Variants in KIF26B observed in about 807,000 individuals in gnomAD.
KIF26B encodes kinesin-like protein KIF26B.
A neutral mutation model predicts 151.2 loss-of-function variants in KIF26B; 63 were observed. The observed-to-expected ratio is 0.42, with a 90% confidence interval of 0.34 to 0.51. KIF26B has a LOEUF of 0.51. Ranked by LOEUF, KIF26B falls within the 20% of genes least tolerant of loss-of-function variation. The pLI is 0.07. For synonymous variants in KIF26B, 1,357 were observed against 1,262.1 expected, an observed-to-expected ratio of 1.08 and a Z score of -1.59; for missense variants, 2,813 against 2,913.6, an observed-to-expected ratio of 0.97 and a Z score of 0.79.
intron 10 of KIF26B, among the ~76,000 whole-genome samples, chr1:245,665,869 G>T (rs571382604): frequency 6.6e-5 from 10 of 151,914 alleles, no homozygotes; most frequent in Non-Finnish European, 1.3e-4. Flanking sequence ...ATTTTTGGTA[G>T]AGCTGGGGTT....
At position 245,667,238 on chromosome 1, in the gene KIF26B, C is replaced by T. The variant is rs1014356315; in HGVS notation, c.2259-16995C>T. On this transcript the variant is annotated intron_variant, in intron 10 of 14. Transcript: ENST00000407071. This position sits in a 1 kb window ranked among gnomAD's most constrained non-coding sequence, Gnocchi z 4.3. ...CTGCCCAGGCTGGAGTGCAGTGGCA[C>T]GATCTCGGCTCACTGCAGCCTTAAG... Among the ~76,000 whole-genome samples the T allele has an allele frequency of 1.3e-4, 20 of 152,104 alleles. No homozygotes were observed. Among genetic ancestry groups the T allele is most frequent in the Non-Finnish European group, 2.5e-4 (17 of 68,012 alleles).
intron 14 of KIF26B, among the ~76,000 whole-genome samples, chr1:245,700,650 TAAA>T (rs10551791): frequency 0.032 from 4,871 of 152,154 alleles, 164 homozygotes; most frequent in East Asian, 0.11. Flanking sequence ...AAAATAAAAA[TAAA>T]AAACAGGAGG....
intron 10 of KIF26B, among the ~76,000 whole-genome samples, chr1:245,682,388 G>A (rs1026008745): frequency 6.6e-6 from 1 of 152,184 alleles, no homozygotes; most frequent in Non-Finnish European, 1.5e-5. Context: ...CAGCTACCAT[G>A]AATAACAAGA....
At chr1:245,446,369 G>A (rs1659251182) in intron 4 of KIF26B, among the ~76,000 whole-genome samples, 1 of 152,202 alleles carries the variant, frequency 6.6e-6, no homozygotes, top group South Asian at 2.1e-4. Flanking sequence ...GGGTTTGGCT[G>A]CTTCTATACA....
In KIF26B at chr1:245,289,395, G is replaced by A. The variant is rs182376880; in HGVS notation, c.466-77439G>A. On this transcript the variant is annotated intron_variant, in intron 2 of 14. Coordinates refer to ENST00000407071, the MANE Select transcript of KIF26B (RefSeq NM_018012.4). ...TGATTTTCGACTCGGCAAGTGTATG[G>A]ACTTGAAAAAATCATCTAATAAACA... Among the ~76,000 whole-genome samples, 15 of 152,208 alleles carry A rather than the reference G, an allele frequency of 9.9e-5. No individual in the cohort carries two copies. The East Asian group carries it at 2.9e-3, about 29-fold the overall frequency.
chr1:245,383,124 C>A (rs1391223957), intron 3 of KIF26B, among the ~76,000 whole-genome samples: 1 of 151,862 alleles, frequency 6.6e-6, no homozygotes, highest in Non-Finnish European at 1.5e-5. Context: ...AGATTACTCA[C>A]AGAGCATGGC....
At chr1:245,303,390 G>A (rs1197978974) in intron 2 of KIF26B, among the ~76,000 whole-genome samples, 3 of 150,790 alleles carry the variant, frequency 2.0e-5, no homozygotes, top group Non-Finnish European at 2.9e-5. Flanking sequence ...AGTAGAGACG[G>A]GGTTTCACCG....
At chr1:245,156,801 G>C (rs1261964477) in intron 2 of KIF26B, 118 bp downstream of exon 2, 1 of 578,892 alleles carries the variant, frequency 1.7e-6, no homozygotes, top group Non-Finnish European at 2.6e-6. Flanking sequence ...AGAGCCCCCG[G>C]CGGCGCTGGG....
chr1:245,609,886 G>A (rs2043499873), intron 8 of KIF26B, among the ~76,000 whole-genome samples: 1 of 152,198 alleles, frequency 6.6e-6, no homozygotes, highest in African/African-American at 2.4e-5. Flanking sequence ...CCATTACGGG[G>A]CTGTTGATGA....
chr1:245,467,743 A>T (rs1659826551), intron 4 of KIF26B, among the ~76,000 whole-genome samples: 1 of 152,126 alleles, frequency 6.6e-6, no homozygotes, highest in African/African-American at 2.4e-5. Context: ...AAAAATACAA[A>T]AATTAGTTGG....
At chr1:245,414,253 T>C (rs1674363481) in intron 3 of KIF26B, among the ~76,000 whole-genome samples, 1 of 152,152 alleles carries the variant, frequency 6.6e-6, no homozygotes, top group African/African-American at 2.4e-5. Flanking sequence ...CTTTGAAGTG[T>C]GGGGAGTCGC....
At chr1:245,198,102 G>A (rs546832932) in intron 2 of KIF26B, among the ~76,000 whole-genome samples, 20 of 152,128 alleles carry the variant, frequency 1.3e-4, no homozygotes, top group East Asian at 7.7e-4. Flanking sequence ...GCAGATACTC[G>A]TTGAGGGCTT....
chr1:245,217,040 G>C (rs141449993), intron 2 of KIF26B, among the ~76,000 whole-genome samples: 9 of 152,152 alleles, frequency 5.9e-5, no homozygotes, highest in Admixed American at 5.9e-4. Context: ...GAGGCATCCC[G>C]CCCACAGGGA....
At chr1:245,477,753 G>C (rs1161653173) in intron 4 of KIF26B, among the ~76,000 whole-genome samples, 1 of 151,826 alleles carries the variant, frequency 6.6e-6, no homozygotes, top group African/African-American at 2.4e-5. Flanking sequence ...GGCTGGAAAA[G>C]AGACCGAATG....
At chr1:245,313,292 T>C (rs962533038) in intron 2 of KIF26B, among the ~76,000 whole-genome samples, 16 of 152,216 alleles carry the variant, frequency 1.1e-4, no homozygotes, top group African/African-American at 3.9e-4. Flanking sequence ...CAAAGTCCCC[T>C]GTGGGGCCAG....
intron 9 of KIF26B, among the ~76,000 whole-genome samples, 180 bp downstream of exon 9, chr1:245,612,156 C>T (rs1250646080): frequency 4.0e-5 from 6 of 151,114 alleles, no homozygotes; most frequent in African/African-American, 1.5e-4. Context: ...GTCACCCAGG[C>T]TGCAGTGCAG....
intron 4 of KIF26B, among the ~76,000 whole-genome samples, chr1:245,496,267 A>C (rs1454019385): frequency 1.3e-5 from 2 of 152,192 alleles, no homozygotes; most frequent in Admixed American, 1.3e-4. Flanking sequence ...AAAATTAAAG[A>C]ATCTGGATGA....
chr1:245,267,581 G>T (rs181636662), intron 2 of KIF26B, among the ~76,000 whole-genome samples: 11 of 148,178 alleles, frequency 7.4e-5, no homozygotes, highest in Non-Finnish European at 1.6e-4. Context: ...GCTCAGCCAC[G>T]TATTAAGCCA....
chr1:245,395,648 C>A (rs376745521), intron 3 of KIF26B, among the ~76,000 whole-genome samples: 1 of 152,146 alleles, frequency 6.6e-6, no homozygotes, highest in African/African-American at 2.4e-5. Flanking sequence ...TTTTTCCTGG[C>A]AAGCTGGTAT....
Sources: allele counts gnomAD v4.1 joint callset (sites outside exome capture counted in the v4.1 genomes callset), GRCh38; gene constraint gnomAD v4.1.1; non-coding constraint Gnocchi (gnomAD v3.1); transcripts MANE v1.5; gene names NCBI Gene and HGNC (gene_info 2026-07-23, HGNC 2026-07-21).